OTUD7B: variants seen among roughly 807,000 people sequenced by gnomAD.
OTUD7B encodes OTU domain-containing protein 7B.
Under a neutral mutation model 82.2 loss-of-function variants are expected in OTUD7B, and 34 were observed. That is an observed-to-expected ratio of 0.41 (90% confidence interval 0.31 to 0.55). OTUD7B has a LOEUF of 0.55. Among genes scored for constraint, OTUD7B ranks in the 20% least tolerant of loss-of-function variants. The pLI, the probability that OTUD7B is intolerant of heterozygous loss-of-function variation, is 0.20. For missense variants in OTUD7B, 944 were observed against 1,062.1 expected (o/e 0.89, Z 1.55); for synonymous variants, 398 against 402.7 (o/e 0.99, Z 0.14).
rs1363736828 is a variant in OTUD7B, at chr1:149,971,222, T to C, written c.115A>G (p.Ser39Gly). 1.9e-6 allele frequency: 3 copies of C among 1,612,264 alleles called. No homozygotes were observed. The highest frequency in any genetic ancestry group is 3.3e-4 in the Middle Eastern group (2 of 6,054). The change falls in exon 3 of 12, where the codon AGT becomes GGT. Residue 39 changes from serine to glycine, a missense_variant. Ser to Gly is a moderately conservative substitution (Grantham distance 56). Coordinates refer to ENST00000581312, the MANE Select transcript of OTUD7B (RefSeq NM_020205.4). Reference protein sequence around the residue: ...GKNWDVNAALSDFEQLRQVHA... With the variant: ...GKNWDVNAALGDFEQLRQVHA... ...ACTTGACGTAGCTGTTCAAAATCAC[T>C]GAGGGCGGCATTCACATCCCAATTC...
the OTUD7B span, among the ~76,000 whole-genome samples, chr1:150,034,055 C>T: frequency 1.3e-5 from 2 of 152,160 alleles, no homozygotes; most frequent in South Asian, 4.1e-4. Context: ...ATGGACAACA[C>T]TGAGGATCAC....
Position 149,949,773 on chromosome 1 carries a change from C to A in OTUD7B, c.979G>T (p.Ala327Ser), listed in dbSNP as rs1553772938. 6.2e-7 allele frequency: 1 copy of A among 1,613,854 alleles called. No homozygotes were observed. The highest frequency in any genetic ancestry group is 1.7e-5 in the Admixed American group (1 of 59,950). ...TAGATTCCTCCAAAGGGAATAGGGG[C>A]AAATGCTGCAGGAAGCCATGAAGAT... ...MLRDSGGEAF[A>S]PIPFGGIYLP... Residue 327 changes from alanine (A) to serine (S), a missense_variant, in exon 9 of 12, where the codon GCC becomes TCC. By Grantham distance (99) the Ala-to-Ser change is moderately conservative. Coordinates refer to ENST00000581312, the MANE Select transcript of OTUD7B (RefSeq NM_020205.4).
In OTUD7B at chr1:150,003,527, C is replaced by T. The variant is rs148323046; in HGVS notation, c.-67+6921G>A. On this transcript the variant is annotated intron_variant, in intron 1 of 11. Transcript: ENST00000581312. ...CAACCTCAGCATGCCCAAGGCAGAA[C>T]TGACCCTTGGGCTCCCACTCTCCCT... 5.1e-4 allele frequency among the ~76,000 whole-genome samples: 78 copies of T among 152,290 alleles called. 1 individual carries two copies. The highest frequency in any genetic ancestry group is 1.1e-3 in the Non-Finnish European group (72 of 68,018).
the OTUD7B span, among the ~76,000 whole-genome samples, chr1:150,058,548 G>A: frequency 6.6e-6 from 1 of 152,002 alleles, no homozygotes; most frequent in African/African-American, 2.4e-5. Context: ...ATAAAAATAA[G>A]TAAATAAATT....
intron 10 of OTUD7B, among the ~76,000 whole-genome samples, chr1:149,948,017 T>C (rs1421984800): frequency 6.6e-6 from 1 of 152,194 alleles, no homozygotes; most frequent in Non-Finnish European, 1.5e-5. Flanking sequence ...TTCACTCTTG[T>C]TGCCCATACT....
chr1:150,029,915 T>A, the OTUD7B span, among the ~76,000 whole-genome samples: 1 of 152,152 alleles, frequency 6.6e-6, no homozygotes, highest in Non-Finnish European at 1.5e-5. Context: ...GTTCTAGATA[T>A]CTTCATTTTC....
chr1:149,944,505 G>A lies in OTUD7B; in HGVS notation c.1884C>T (p.Ile628=). 6.2e-7 allele frequency: 1 copy of A among 1,614,070 alleles called. No homozygotes were observed. Among genetic ancestry groups the A allele is most frequent in the Non-Finnish European group, 8.5e-7 (1 of 1,180,012 alleles). The change falls in exon 12 of 12, where the codon ATC becomes ATT. Residue 628 remains isoleucine (I), a synonymous_variant. Transcript: ENST00000581312. ...CCTCAGCATCAGAAAGGTAGCGCTG[G>A]ATCATTTCCTCCTGATACTGGTGAC... The part of the protein sequence containing the change: ...GHRHQYQEEM[I]QRYLSDAEER...
chr1:149,967,558 A>G, intron 3 of OTUD7B, 37 bp from the exon 4 acceptor site: 1 of 1,499,250 alleles, frequency 6.7e-7, no homozygotes, highest in Non-Finnish European at 9.1e-7. Context: ...GAACATACAC[A>G]GCCCACTTGG....
chr1:149,970,323 TA>T lies in OTUD7B; in HGVS notation c.274+739del, dbSNP rs1305206344. ...TTTTTTTAATTTTTATTCATTTATT[TA>T]TTTTTTTTTTTGTAGACAGAGTCTC... On this transcript the variant is annotated intron_variant, in intron 3 of 11. Coordinates refer to ENST00000581312, the MANE Select transcript of OTUD7B (RefSeq NM_020205.4). Among the ~76,000 whole-genome samples the T allele has an allele frequency of 1.7e-4, 8 of 47,138 alleles. No homozygotes were observed. The South Asian group carries it at 7.6e-3, about 45-fold the overall frequency. The allele number at this position is 47,138 out of a possible 152,430, so 30.9% of individuals were successfully genotyped here.
chr1:150,010,796 C>G (rs1374459547), upstream of OTUD7B: 1 of 152,222 alleles, frequency 6.6e-6, no homozygotes, highest in Non-Finnish European at 1.5e-5. Flanking sequence ...GACACCCAGG[C>G]CGCCCCCGGG....
the OTUD7B span, among the ~76,000 whole-genome samples, chr1:150,064,011 T>C: frequency 6.6e-6 from 1 of 152,182 alleles, no homozygotes. Context: ...ATGGAAATTA[T>C]ATTTAGAAGC....
Position 149,977,514 on chromosome 1 carries a change from ATCC to A in OTUD7B, c.-7_-5del. 6.2e-7 allele frequency: 1 copy of A among 1,612,906 alleles called. No homozygotes were observed. Among genetic ancestry groups the A allele is most frequent in the African/African-American group, 1.3e-5 (1 of 75,002 alleles). ...CAGCATCCATGTCCAGGGTCATGTG[ATCC>A]TCAAGTACTTTCAGCCAGCTGGATG... On this transcript the variant is annotated 5_prime_UTR_variant, in exon 2 of 12. Transcript: ENST00000581312.
At chr1:149,966,539 G>A (rs587619197) in intron 4 of OTUD7B, among the ~76,000 whole-genome samples, 1 of 152,266 alleles carries the variant, frequency 6.6e-6, no homozygotes, top group East Asian at 1.9e-4. Context: ...AAATATCCAA[G>A]AAAATAAGTC....
chr1:150,059,115 G>A, the OTUD7B span, among the ~76,000 whole-genome samples: 2 of 141,170 alleles, frequency 1.4e-5, no homozygotes, highest in African/African-American at 2.7e-5. Flanking sequence ...GTGCAGTGGT[G>A]TGATCTCGGC....
chr1:150,043,089 G>A, the OTUD7B span, among the ~76,000 whole-genome samples: 1 of 151,984 alleles, frequency 6.6e-6, no homozygotes, highest in Non-Finnish European at 1.5e-5. Flanking sequence ...CACCAGCATC[G>A]CCAGTGGTAC....
In OTUD7B at chr1:149,965,953, T is replaced by C. The variant is rs587642242; in HGVS notation, c.503-75A>G. On this transcript the variant is annotated intron_variant, in intron 4 of 11. Transcript: ENST00000581312. The stretch of plus-strand genomic sequence containing the variant: ...CCACCTTCCTATTTCTGAAACAGAC[T>C]CCAAAGCAGCCTCCTCTAGGAGGCC... The C allele has an allele frequency of 5.7e-6, 7 of 1,237,664 alleles. No homozygotes were observed. The East Asian group carries it at 1.7e-4, about 29-fold the overall frequency. The allele number at this position is 1,237,664 out of a possible 1,614,324, so 76.7% of individuals were successfully genotyped here. A position where few individuals can be genotyped will look rare whatever the true frequency, so the allele number is the denominator to read the frequency against.
intron 7 of OTUD7B, among the ~76,000 whole-genome samples, chr1:149,957,899 G>T (rs1436478699): frequency 2.6e-5 from 4 of 152,214 alleles, no homozygotes; most frequent in Non-Finnish European, 5.9e-5. Flanking sequence ...GCAGTATTAG[G>T]GTGGGAATGT....
rs2101688968 is a variant in OTUD7B at position 149,938,450 on chromosome 1, G to C, written c.*5407C>G. On this transcript the variant is annotated 3_prime_UTR_variant, in exon 12 of 12. Transcript: ENST00000581312. ...CGCTCCAGCCTGGGCAACAGAGCAA[G>C]ACTCCATCGCAAAAAAAAAAAAAAA... 1.3e-5 allele frequency: 1 copy of C among 79,968 alleles called. No homozygotes were observed. Among genetic ancestry groups the C allele is most frequent in the South Asian group, 5.0e-4 (1 of 1,984 alleles). 5.0% of individuals were successfully genotyped at this position (79,968 alleles called of 1,614,324 possible). A position where few individuals can be genotyped will look rare whatever the true frequency, so the allele number is the denominator to read the frequency against.
In OTUD7B at chr1:149,959,723, G is replaced by A; in HGVS notation, c.806C>T (p.Pro269Leu). ...TCCATTGGTACCTAGATGCATTCGG[G>A]GTTCACTTGAGGCAAGCTTGATCAG... The part of the protein sequence containing the change: ...NELIKLASSE[P>L]RMHLGTNGAN... Residue 269 changes from proline to leucine, a missense_variant, in exon 7 of 12, where the codon CCC (proline) becomes CTC (leucine). Physicochemically the swap from Pro to Leu is moderately conservative, Grantham distance 98. Transcript: ENST00000581312. 1 of 1,613,918 alleles carries A rather than the reference G, an allele frequency of 6.2e-7. No individual in the cohort carries two copies. Among genetic ancestry groups the A allele is most frequent in the Non-Finnish European group, 8.5e-7 (1 of 1,179,830 alleles).
Sources: gnomAD v4.1 joint callset for allele counts (sites outside exome capture counted in the v4.1 genomes callset) on GRCh38, gnomAD v4.1.1 for gene constraint, MANE v1.5 for transcripts, NCBI Gene and HGNC (gene_info 2026-07-23, HGNC 2026-07-21) for gene names.